CCDC187: variants seen among roughly 807,000 people sequenced by gnomAD.
The protein encoded by CCDC187 is coiled-coil domain containing 187, also known as coiled-coil domain-containing protein 187.
A neutral mutation model predicts 38.0 loss-of-function variants in CCDC187; 32 were observed. The ratio of observed to expected loss-of-function variants is 0.84; its 90% CI spans 0.64 to 1.13. The LOEUF is 1.13. Among genes scored for constraint, CCDC187 ranks in the 50% most tolerant of loss-of-function variants. The pLI, the probability that CCDC187 is intolerant of heterozygous loss-of-function variation, is 0.00. For missense variants in CCDC187, 707 were observed against 786.8 expected, an observed-to-expected ratio of 0.90 and a Z score of 1.21; for synonymous variants, 333 against 347.9, an observed-to-expected ratio of 0.96 and a Z score of 0.48.
upstream of CCDC187, among the ~76,000 whole-genome samples, chr9:136,304,808 T>A (rs1831773654): frequency 6.6e-6 from 1 of 152,218 alleles, no homozygotes; most frequent in East Asian, 1.9e-4. Context: ...GCGATGATCA[T>A]GAGCACGGAT....
At position 136,286,169 on chromosome 9, in the gene CCDC187, C is replaced by T; in HGVS notation, c.2749G>A (p.Asp917Asn). 1 of 398,588 alleles carries T rather than the reference C, an allele frequency of 2.5e-6. No homozygotes were observed. The highest frequency in any genetic ancestry group is 4.4e-6 in the Non-Finnish European group (1 of 226,014). The allele number at this position is 398,588 out of a possible 1,614,324, so 24.7% of individuals were successfully genotyped here. ...QPLLPPTYFL[D>N]GETLSWGPSW... The stretch of plus-strand genomic sequence containing the variant: ...GGGCCCCACGACAGTGTCTCGCCGT[C>T]CAGGAAGTAGGTCGGGGGCAGAAGG... Residue 917 changes from aspartate (D) to asparagine (N), a missense_variant, in exon 8 of 26, where the codon GAC (aspartate) becomes AAC (asparagine). Transcript: ENST00000638797.
intron 14 of CCDC187, among the ~76,000 whole-genome samples, chr9:136,268,744 TA>T (rs1830791116): frequency 6.6e-6 from 1 of 151,534 alleles, no homozygotes; most frequent in South Asian, 2.1e-4. Flanking sequence ...CATATATATA[TA>T]TTTTTTCACA....
chr9:136,287,281 C>G (rs915039961), intron 7 of CCDC187, among the ~76,000 whole-genome samples: 2 of 152,210 alleles, frequency 1.3e-5, no homozygotes, highest in African/African-American at 4.8e-5. Flanking sequence ...CTGGAACTCA[C>G]GTTCATGGTT....
intron 14 of CCDC187, among the ~76,000 whole-genome samples, chr9:136,270,228 C>G (rs975668059): frequency 6.6e-6 from 1 of 152,144 alleles, no homozygotes; most frequent in African/African-American, 2.4e-5. Context: ...AAAGAGAAAA[C>G]AGCTGGGCCC....
At chr9:136,275,689 G>A (rs1830918804) in intron 12 of CCDC187, among the ~76,000 whole-genome samples, 1 of 152,184 alleles carries the variant, frequency 6.6e-6, no homozygotes, top group Non-Finnish European at 1.5e-5. Context: ...CGGACTGGGT[G>A]ACATTGTCCC....
chr9:136,255,904 G>C (rs1685173334), intron 24 of CCDC187, among the ~76,000 whole-genome samples, 171 bp from the exon 25 acceptor site: 2 of 152,192 alleles, frequency 1.3e-5, no homozygotes. Flanking sequence ...GGCTCCCCGA[G>C]GGCTTGTCTT....
intron 17 of CCDC187, among the ~76,000 whole-genome samples, chr9:136,265,236 G>C (rs563672257): frequency 1.3e-5 from 2 of 152,156 alleles, no homozygotes; most frequent in Non-Finnish European, 2.9e-5. Flanking sequence ...GCTCTCTGCC[G>C]CAGGCAAAGC....
At chr9:136,262,088 A>G (rs1830685521) in intron 19 of CCDC187, among the ~76,000 whole-genome samples, 1 of 152,160 alleles carries the variant, frequency 6.6e-6, no homozygotes, top group African/African-American at 2.4e-5. Context: ...TTTGTTGCAA[A>G]CCAAAGCCAA....
At chr9:136,293,636 GCATGCTCACACT>G (rs1339725668) in intron 4 of CCDC187, among the ~76,000 whole-genome samples, 5 of 150,970 alleles carry the variant, frequency 3.3e-5, no homozygotes, top group South Asian at 4.2e-4. Flanking sequence ...ACAGGCACTC[GCATGCTCACACT>G]CATGCTCACA....
intron 9 of CCDC187, among the ~76,000 whole-genome samples, chr9:136,284,650 C>T (rs1464704475): frequency 6.6e-6 from 1 of 151,756 alleles, no homozygotes; most frequent in Non-Finnish European, 1.5e-5. Flanking sequence ...ACAGGGATCC[C>T]GGCCCACACC....
intron 3 of CCDC187, among the ~76,000 whole-genome samples, 185 bp downstream of exon 3, chr9:136,300,035 G>A (rs1378364762): frequency 1.3e-5 from 2 of 152,252 alleles, no homozygotes; most frequent in Non-Finnish European, 2.9e-5. Context: ...GAGAGGCAGA[G>A]GGTTAGAACA....
chr9:136,278,050 G>T (rs1015546547), intron 10 of CCDC187, among the ~76,000 whole-genome samples: 1 of 152,204 alleles, frequency 6.6e-6, no homozygotes, highest in Admixed American at 6.5e-5. Context: ...AGCATTCGGG[G>T]TCACCCCCGT....
chr9:136,306,023 T>TGGCGCCCCTGCC (rs1269153710), upstream of CCDC187, among the ~76,000 whole-genome samples: 4 of 152,192 alleles, frequency 2.6e-5, no homozygotes, highest in Admixed American at 6.5e-5. Flanking sequence ...CTGCACCGGC[T>TGGCGCCCCTGCC]GGCGCCCCTG....
chr9:136,299,863 G>A (rs1037491736), intron 3 of CCDC187, among the ~76,000 whole-genome samples: 51 of 152,276 alleles, frequency 3.3e-4, no homozygotes, highest in African/African-American at 1.2e-3. Flanking sequence ...GACCTGGAGG[G>A]CCCCAGACCC....
Position 136,293,249 on chromosome 9 carries a change from G to A in CCDC187, c.833-954C>T, listed in dbSNP as rs1002181808. ...CACACTCACACGCTCACACTCACAT[G>A]CTTACACACTCACTCATGCTTTCAC... On this transcript the variant is annotated intron_variant, in intron 4 of 25. Transcript: ENST00000638797. 1.5e-4 allele frequency among the ~76,000 whole-genome samples: 16 copies of A among 109,610 alleles called. 1 individual carries two copies. The South Asian group carries it at 3.3e-3, about 23-fold the overall frequency. The allele number at this position is 109,610 out of a possible 152,430, so 71.9% of individuals were successfully genotyped here. A position where few individuals can be genotyped will look rare whatever the true frequency, so the allele number is the denominator to read the frequency against.
Position 136,294,116 on chromosome 9 carries a change from ACT to A in CCDC187, c.833-1823_833-1822del, listed in dbSNP as rs1488976112. Among the ~76,000 whole-genome samples the A allele has an allele frequency of 2.9e-3, 227 of 77,004 alleles. 9 individuals are homozygous for A. Among genetic ancestry groups the A allele is most frequent in the African/African-American group, 7.7e-3 (156 of 20,222 alleles). 50.5% of individuals were successfully genotyped at this position (77,004 alleles called of 152,430 possible). On this transcript the variant is annotated intron_variant, in intron 4 of 25. Coordinates refer to ENST00000638797, the MANE Select transcript of CCDC187 (RefSeq NM_001378188.1). ...CGCCCTCAAGTGCTCACACTCACACACTCTCACACTCATACACACGCCCTCAC... is the reference window on the plus strand; with the variant it reads ...CGCCCTCAAGTGCTCACACTCACACACTCACACTCATACACACGCCCTCAC...
intron 4 of CCDC187, among the ~76,000 whole-genome samples, chr9:136,293,151 A>ACACT (rs1831380195): frequency 7.9e-6 from 1 of 126,502 alleles, no homozygotes; most frequent in South Asian, 2.6e-4. Flanking sequence ...ACACTCACAA[A>ACACT]CACATGCTCA....
At chr9:136,261,313 C>G (rs1240189137) in intron 19 of CCDC187, among the ~76,000 whole-genome samples, 2 of 152,150 alleles carry the variant, frequency 1.3e-5, no homozygotes, top group Non-Finnish European at 1.5e-5. Flanking sequence ...GGGTAGGCTC[C>G]CAGGGAGCCG....
chr9:136,280,153 T>C (rs902897091), intron 10 of CCDC187, among the ~76,000 whole-genome samples: 1 of 152,246 alleles, frequency 6.6e-6, no homozygotes, highest in Non-Finnish European at 1.5e-5. Flanking sequence ...CACCGGCACA[T>C]GCGCTTTCTG....
Sources: gnomAD v4.1 joint callset for allele counts (sites outside exome capture counted in the v4.1 genomes callset) on GRCh38, gnomAD v4.1.1 for gene constraint, MANE v1.5 for transcripts, NCBI Gene and HGNC (gene_info 2026-07-23, HGNC 2026-07-21) for gene names.